SLC2A9: variants seen among roughly 807,000 people sequenced by gnomAD.
SLC2A9 encodes solute carrier family 2, facilitated glucose transporter member 9.
A neutral mutation model predicts 50.6 loss-of-function variants in SLC2A9; 39 were observed. That is an observed-to-expected ratio of 0.77 (90% CI 0.60 to 1.01). The LOEUF (loss-of-function observed/expected upper bound fraction) is 1.01. Among genes scored for constraint, SLC2A9 ranks in the 50% least tolerant of loss-of-function variants. The pLI is 0.00. For missense variants in SLC2A9, 686 were observed against 677.6 expected, an observed-to-expected ratio of 1.01 and a Z score of -0.14; for synonymous variants, 324 against 276.9, an observed-to-expected ratio of 1.17 and a Z score of -1.69.
chr4:9,950,775 CT>C (rs1450559097), intron 5 of SLC2A9, among the ~76,000 whole-genome samples: 1 of 40,522 alleles, frequency 2.5e-5, no homozygotes, highest in Non-Finnish European at 4.2e-5. Flanking sequence ...CGCCTGTAGT[CT>C]CAGCTACTCG....
intron 3 of SLC2A9, among the ~76,000 whole-genome samples, chr4:9,805,297 C>T (rs1264869876): frequency 1.3e-5 from 2 of 152,260 alleles, no homozygotes; most frequent in South Asian, 4.1e-4. Flanking sequence ...CAGAAAGGCG[C>T]TGAGCCATGA....
chr4:9,898,860 C>T (rs1305939451), intron 8 of SLC2A9, among the ~76,000 whole-genome samples: 1 of 152,218 alleles, frequency 6.6e-6, no homozygotes. Context: ...CTTTAGTCAG[C>T]TGGTGTGATT....
chr4:9,871,384 T>A (rs542288393), intron 10 of SLC2A9, among the ~76,000 whole-genome samples: 1 of 152,132 alleles, frequency 6.6e-6, no homozygotes, highest in Non-Finnish European at 1.5e-5. Flanking sequence ...GAGGCAGAAG[T>A]CTAAAATCAA....
At chr4:9,991,220 A>C (rs1578220138) in intron 3 of SLC2A9, among the ~76,000 whole-genome samples, 1 of 151,572 alleles carries the variant, frequency 6.6e-6, no homozygotes, top group South Asian at 2.1e-4. Flanking sequence ...CTTAAAGATT[A>C]CTCCTGAAGA....
intron 1 of SLC2A9, chr4:10,029,208 G>A (rs1209188234): frequency 1.3e-5 from 2 of 152,254 alleles, no homozygotes; most frequent in Non-Finnish European, 2.9e-5. Context: ...CGACTAGGAC[G>A]AGGTTGGCTG....
At chr4:9,911,387 G>T (rs974731616) in intron 7 of SLC2A9, among the ~76,000 whole-genome samples, 1 of 152,160 alleles carries the variant, frequency 6.6e-6, no homozygotes, top group Non-Finnish European at 1.5e-5. Context: ...GAAGGTGACT[G>T]CCTTCAGCTT....
At chr4:10,032,787 T>C (rs1319641368) in intron 1 of SLC2A9, among the ~76,000 whole-genome samples, 1 of 152,110 alleles carries the variant, frequency 6.6e-6, no homozygotes, top group South Asian at 2.1e-4. Flanking sequence ...TTATCCTCTT[T>C]CAAAACTCTC....
chr4:10,036,754 C>T (rs1024185173), intron 1 of SLC2A9, among the ~76,000 whole-genome samples: 11 of 152,198 alleles, frequency 7.2e-5, no homozygotes, highest in African/African-American at 2.4e-4. Context: ...ATCCTTAGCA[C>T]AGATTTCAAG....
chr4:9,773,661 A>G (rs1717140150), intron 1 of SLC2A9, among the ~76,000 whole-genome samples: 5 of 152,240 alleles, frequency 3.3e-5, no homozygotes, highest in Admixed American at 2.0e-4. Context: ...CTCTGGCTGG[A>G]TGAAATGAGG....
chr4:9,894,471 A>C (rs1738144169), intron 8 of SLC2A9, among the ~76,000 whole-genome samples: 1 of 152,220 alleles, frequency 6.6e-6, no homozygotes, highest in Non-Finnish European at 1.5e-5. Flanking sequence ...TTTGTCTGTC[A>C]GTTTTCCTGA....
At chr4:10,025,791 T>C (rs1226585293), upstream of SLC2A9, 3 of 1,010,556 alleles carry the variant, frequency 3.0e-6, no homozygotes, top group South Asian at 2.7e-5. Flanking sequence ...GCTCACTCTT[T>C]TCTCTGCCCA....
At chr4:10,012,181 G>A (rs1006631210) in intron 2 of SLC2A9, among the ~76,000 whole-genome samples, 4 of 152,184 alleles carry the variant, frequency 2.6e-5, no homozygotes, top group African/African-American at 4.8e-5. Flanking sequence ...TTCACAGAAC[G>A]TTTGCTGATT....
intron 10 of SLC2A9, chr4:9,879,177 A>T (rs1043235962): frequency 3.0e-6 from 3 of 985,008 alleles, no homozygotes; most frequent in Non-Finnish European, 3.6e-6. Context: ...GTGGGGATAC[A>T]CTAGGAGTTA....
intron 3 of SLC2A9, among the ~76,000 whole-genome samples, chr4:9,788,127 T>C (rs985828954): frequency 6.6e-6 from 1 of 152,212 alleles, no homozygotes; most frequent in Non-Finnish European, 1.5e-5. Context: ...GGTTTTCTAC[T>C]GTAAGGAAGA....
In SLC2A9 at chr4:9,978,082, G is replaced by T. The variant is rs77984469; in HGVS notation, c.681+2510C>A. Among the ~76,000 whole-genome samples, 1,438 of 152,332 alleles carry T rather than the reference G, an allele frequency of 9.4e-3. 27 individuals carry two copies. The highest frequency in any genetic ancestry group is 0.033 in the African/African-American group (1,387 of 41,564). ...TGCTGAACAGTCACTATTTGCCAGC[G>T]ATGTTTTCCCAGAGGAAGTCAAGCT... On this transcript the variant is annotated intron_variant, in intron 5 of 11. Transcript: ENST00000264784.
chr4:9,840,696 A>G (rs1727912458), intron 10 of SLC2A9, among the ~76,000 whole-genome samples: 1 of 152,172 alleles, frequency 6.6e-6, no homozygotes, highest in Non-Finnish European at 1.5e-5. Flanking sequence ...TAGAACCCTG[A>G]GGAAATTGTT....
chr4:9,966,768 A>G (rs1216694808), intron 5 of SLC2A9, among the ~76,000 whole-genome samples: 1 of 152,216 alleles, frequency 6.6e-6, no homozygotes, highest in African/African-American at 2.4e-5. Context: ...GGTGTAATGT[A>G]AGCATTGCTT....
chr4:10,012,985 G>A (rs1308434764), intron 2 of SLC2A9, among the ~76,000 whole-genome samples: 1 of 152,158 alleles, frequency 6.6e-6, no homozygotes, highest in Non-Finnish European at 1.5e-5. Flanking sequence ...CCTTTGGGTG[G>A]AGACTAAACT....
chr4:9,917,325 C>CTTTTTTTTTTTTTTTTTTTTT (rs55927201), intron 7 of SLC2A9, among the ~76,000 whole-genome samples: 8 of 81,802 alleles, frequency 9.8e-5, no homozygotes, highest in East Asian at 4.0e-4. Context: ...TTCTTTTTTC[C>CTTTTTTTTTTTTTTTTTTTTT]TTTTTTTTTT....
Sources: gnomAD v4.1 joint callset for allele counts (sites outside exome capture counted in the v4.1 genomes callset) on GRCh38, gnomAD v4.1.1 for gene constraint, MANE v1.5 for transcripts, NCBI Gene and HGNC (gene_info 2026-07-23, HGNC 2026-07-21) for gene names.